The following TRPS1 variants were observed in gnomAD, a reference collection of about 807,000 sequenced individuals.
TRPS1 encodes the protein transcriptional repressor GATA binding 1, also known as zinc finger transcription factor Trps1.
Under a neutral mutation model 101.2 loss-of-function variants are expected in TRPS1, and 6 were observed. The ratio of observed to expected loss-of-function variants is 0.06; its 90% CI spans 0.03 to 0.12. The LOEUF is 0.12. TRPS1 is among the 10% of genes least tolerant of loss of function. TRPS1 has a pLI of 1.00. For missense variants in TRPS1, 1,363 were observed against 1,567.0 expected, an observed-to-expected ratio of 0.87 and a Z score of 2.20; for synonymous variants, 578 against 589.8, an observed-to-expected ratio of 0.98 and a Z score of 0.29.
chr8:115,653,315 A>C (rs967802924), intron 1 of TRPS1, among the ~76,000 whole-genome samples: 5 of 152,188 alleles, frequency 3.3e-5, no homozygotes, highest in Admixed American at 6.5e-5. Context: ...GTGAAAAATA[A>C]ATTTTGCTAT....
intron 1 of TRPS1, 92 bp from the exon 2 acceptor site, chr8:115,623,850 T>C: frequency 8.2e-7 from 1 of 1,214,744 alleles, no homozygotes. Flanking sequence ...TATGCTGGCA[T>C]CATAGGCTGC....
chr8:115,489,032 A>G (rs1295507465), intron 5 of TRPS1, among the ~76,000 whole-genome samples: 2 of 152,184 alleles, frequency 1.3e-5, no homozygotes, highest in African/African-American at 2.4e-5. Context: ...CCACTCCATT[A>G]TAATAACACC....
At chr8:115,433,531 G>A (rs1442742541) in intron 5 of TRPS1, among the ~76,000 whole-genome samples, 1 of 151,892 alleles carries the variant, frequency 6.6e-6, no homozygotes, top group African/African-American at 2.4e-5. Flanking sequence ...AAGTACAAAG[G>A]GAGAAAACAA....
At chr8:115,639,476 A>T (rs1308016578) in intron 1 of TRPS1, among the ~76,000 whole-genome samples, 3 of 152,082 alleles carry the variant, frequency 2.0e-5, no homozygotes, top group African/African-American at 7.2e-5. Flanking sequence ...AAAATCATTG[A>T]CTCTTATGCT....
chr8:115,621,100 G>A (rs1390942231), intron 2 of TRPS1, among the ~76,000 whole-genome samples: 1 of 152,172 alleles, frequency 6.6e-6, no homozygotes, highest in Non-Finnish European at 1.5e-5. Context: ...TTCTGCTGGA[G>A]TAGAATGAGT....
In TRPS1 at chr8:115,659,854, A is replaced by C. The variant is rs190385245; in HGVS notation, c.-122+8691T>G. ...AACCCTCAAATAGGTGTTGGGATGCATTAAGTAATTAAAATGGGCATTACA... is the reference window on the plus strand; with the variant it reads ...AACCCTCAAATAGGTGTTGGGATGCCTTAAGTAATTAAAATGGGCATTACA... On this transcript the variant is annotated intron_variant, in intron 1 of 6. Transcript: ENST00000395715. Among the ~76,000 whole-genome samples, 361 of 152,136 alleles carry C rather than the reference A, an allele frequency of 2.4e-3. 2 individuals carry two copies. The highest frequency in any genetic ancestry group is 8.4e-3 in the African/African-American group (348 of 41,566).
intron 5 of TRPS1, among the ~76,000 whole-genome samples, chr8:115,426,530 AAATC>A (rs1586262103): frequency 6.6e-6 from 1 of 152,046 alleles, no homozygotes; most frequent in East Asian, 1.9e-4. Flanking sequence ...AACAGAAAAA[AAATC>A]AATAATTCTT....
chr8:115,617,262 G>T (rs1335281354), intron 3 of TRPS1, among the ~76,000 whole-genome samples: 2 of 152,074 alleles, frequency 1.3e-5, no homozygotes, highest in Non-Finnish European at 2.9e-5. Context: ...GTCTTCCTCG[G>T]TGTGTGCTGC....
intron 4 of TRPS1, among the ~76,000 whole-genome samples, chr8:115,600,521 CT>C (rs945615210): frequency 1.3e-5 from 2 of 152,148 alleles, no homozygotes; most frequent in African/African-American, 4.8e-5. Flanking sequence ...CCCCTTCTCT[CT>C]ATGAGTAACT....
chr8:115,667,747 A>T, intron 1 of TRPS1: 1 of 1,300,052 alleles, frequency 7.7e-7, no homozygotes. Context: ...AAGGGAAAAA[A>T]GTTTGAAGCC....
chr8:115,551,692 A>T (rs1222732504), intron 5 of TRPS1, among the ~76,000 whole-genome samples: 2 of 152,232 alleles, frequency 1.3e-5, no homozygotes, highest in South Asian at 2.1e-4. Context: ...ATAGACTTAT[A>T]TCTAGTTTCT....
intron 5 of TRPS1, among the ~76,000 whole-genome samples, chr8:115,483,797 T>C (rs1030009062): frequency 2.0e-5 from 3 of 152,158 alleles, no homozygotes; most frequent in African/African-American, 7.2e-5. Context: ...ATTGCAAATT[T>C]GATCCGCAGA....
intron 5 of TRPS1, among the ~76,000 whole-genome samples, chr8:115,433,414 T>C (rs1813370836): frequency 6.6e-6 from 1 of 152,116 alleles, no homozygotes; most frequent in Admixed American, 6.6e-5. Context: ...GATAAATAGA[T>C]AATATTTAGT....
chr8:115,496,585 A>G (rs1239703173), intron 5 of TRPS1, among the ~76,000 whole-genome samples: 3 of 152,192 alleles, frequency 2.0e-5, no homozygotes, highest in Non-Finnish European at 2.9e-5. Flanking sequence ...CATAAAGGCT[A>G]TCATTTATTA....
chr8:115,626,431 T>C (rs1454628889), intron 1 of TRPS1, among the ~76,000 whole-genome samples: 1 of 151,824 alleles, frequency 6.6e-6, no homozygotes, highest in Non-Finnish European at 1.5e-5. Flanking sequence ...ATGTTTTCTA[T>C]TTCTTCAGAT....
intron 5 of TRPS1, among the ~76,000 whole-genome samples, chr8:115,451,205 T>C (rs915464009): frequency 2.6e-5 from 4 of 152,186 alleles, no homozygotes; most frequent in African/African-American, 9.6e-5. Flanking sequence ...TATAGCTAAA[T>C]GTGTGGCATG....
At chr8:115,461,607 T>C (rs779495341) in intron 5 of TRPS1, among the ~76,000 whole-genome samples, 2 of 152,200 alleles carry the variant, frequency 1.3e-5, no homozygotes, top group Non-Finnish European at 2.9e-5. Flanking sequence ...CTAACTATGT[T>C]TGTGGCATCT....
At chr8:115,566,528 T>A (rs1417249862) in intron 5 of TRPS1, among the ~76,000 whole-genome samples, 1 of 152,082 alleles carries the variant, frequency 6.6e-6, no homozygotes, top group East Asian at 1.9e-4. Context: ...TTTTTTTCTT[T>A]CTTCTTTTTT....
Position 115,414,180 on chromosome 8 carries a change from T to C in TRPS1, c.3728A>G (p.Tyr1243Cys), listed in dbSNP as rs1812855381. The C allele has an allele frequency of 1.2e-6, 2 of 1,614,058 alleles. No homozygotes were observed. The highest frequency in any genetic ancestry group is 1.3e-5 in the African/African-American group (1 of 75,050). The change falls in exon 7 of 7, where the codon TAT becomes TGT. Residue 1243 changes from tyrosine (Y) to cysteine (C), a missense_variant. Tyr to Cys is a radical substitution (Grantham distance 194). Coordinates refer to ENST00000395715, the MANE Select transcript of TRPS1 (RefSeq NM_014112.5). The surrounding 1 kb of genome is among the most constrained non-coding windows in gnomAD (Gnocchi z 4.8). ...ACCATGGCAACTCATATGCAAAGCA[T>C]ACATCACTTCATCCAGAAAGACAAT... ...CGIVFLDEVMYALHMSCHGDS... is the reference protein window; with the variant it reads ...CGIVFLDEVMCALHMSCHGDS...
Sources: allele counts gnomAD v4.1 joint callset (sites outside exome capture counted in the v4.1 genomes callset), GRCh38; gene constraint gnomAD v4.1.1; non-coding constraint Gnocchi (gnomAD v3.1); transcripts MANE v1.5; gene names NCBI Gene and HGNC (gene_info 2026-07-23, HGNC 2026-07-21).